The following NAV3 variants were observed in gnomAD, a reference collection of about 807,000 sequenced individuals.
NAV3 encodes the protein neuron navigator 3, also known as pore membrane and/or filament interacting like protein 1.
Under a neutral mutation model 244.7 loss-of-function variants are expected in NAV3, and 87 were observed. The observed-to-expected ratio is 0.36, with a 90% CI of 0.30 to 0.42. The LOEUF (loss-of-function observed/expected upper bound fraction) is 0.42. Among genes scored for constraint, NAV3 ranks in the 20% least tolerant of loss-of-function variants. The pLI is 1.00. For missense variants in NAV3, 2,663 were observed against 2,893.3 expected (o/e 0.92, Z 1.83); for synonymous variants, 1,126 against 1,042.2 (o/e 1.08, Z -1.55).
intron 12 of NAV3, among the ~76,000 whole-genome samples, chr12:78,064,927 A>G (rs749383291): frequency 5.3e-5 from 8 of 152,150 alleles, no homozygotes; most frequent in Non-Finnish European, 1.0e-4. Context: ...AAGTGAAGCC[A>G]AGAGTCTGGA....
rs537795162 is a variant in NAV3, at chr12:77,716,391, T to A, written c.72+144125T>A. The stretch of plus-strand genomic sequence containing the variant: ...TGTTCTCAAGAAACTCACAGAGTTT[T>A]AAGAGAAAAATTATTAAAAATAAAT... On this transcript the variant is annotated intron_variant, in intron 2 of 8. Coordinates refer to the NAV3 transcript ENST00000550042. 3.9e-5 allele frequency among the ~76,000 whole-genome samples: 6 copies of A among 151,930 alleles called. No individual in the cohort carries two copies. The South Asian group carries it at 1.2e-3, about 31-fold the overall frequency.
chr12:77,908,299 T>C (rs143561649), intron 1 of NAV3, among the ~76,000 whole-genome samples: 2 of 152,030 alleles, frequency 1.3e-5, no homozygotes, highest in Non-Finnish European at 2.9e-5. Context: ...CAAAAACATA[T>C]GCCTCAAGAA....
intron 2 of NAV3, among the ~76,000 whole-genome samples, chr12:77,791,604 A>G (rs1330726894): frequency 1.3e-5 from 2 of 152,152 alleles, no homozygotes; most frequent in Non-Finnish European, 2.9e-5. Context: ...AGAGGAACTG[A>G]GGCTCTGCAA....
chr12:78,001,401 G>A (rs1226428920), intron 7 of NAV3, among the ~76,000 whole-genome samples: 1 of 152,136 alleles, frequency 6.6e-6, no homozygotes, highest in Admixed American at 6.5e-5. Flanking sequence ...ACAACTCTGA[G>A]AGGATGAGTT....
At chr12:77,581,623 A>G (rs1195169661) in intron 2 of NAV3, among the ~76,000 whole-genome samples, 1 of 152,186 alleles carries the variant, frequency 6.6e-6, no homozygotes, top group Non-Finnish European at 1.5e-5. Context: ...GCTAGTTTCC[A>G]GTAAACTCGC....
intron 2 of NAV3, among the ~76,000 whole-genome samples, chr12:77,612,752 A>G (rs944920288): frequency 6.6e-6 from 1 of 152,152 alleles, no homozygotes; most frequent in Non-Finnish European, 1.5e-5. Context: ...TTCAGTAAGA[A>G]AAGTGATATG....
At chr12:78,090,520 T>C (rs1402508277) in intron 12 of NAV3, among the ~76,000 whole-genome samples, 1 of 152,084 alleles carries the variant, frequency 6.6e-6, no homozygotes, top group Non-Finnish European at 1.5e-5. Flanking sequence ...ATGTAAAGTA[T>C]ATGATGAGCT....
intron 6 of NAV3, among the ~76,000 whole-genome samples, chr12:77,995,857 C>T (rs1314548272): frequency 1.3e-5 from 2 of 152,080 alleles, no homozygotes; most frequent in African/African-American, 4.8e-5. Context: ...ATTACTCCTT[C>T]TAAGACTTGG....
At chr12:77,609,399 A>G (rs1870811379) in intron 2 of NAV3, among the ~76,000 whole-genome samples, 1 of 152,104 alleles carries the variant, frequency 6.6e-6, no homozygotes, top group Non-Finnish European at 1.5e-5. Flanking sequence ...ATTAAGAGAC[A>G]TCAAATGTGG....
At chr12:77,665,005 C>G (rs1418583043) in intron 2 of NAV3, among the ~76,000 whole-genome samples, 1 of 152,140 alleles carries the variant, frequency 6.6e-6, no homozygotes, top group Non-Finnish European at 1.5e-5. Flanking sequence ...GTAGCTGGGA[C>G]TGCAGGTGCA....
chr12:77,869,068 A>C (rs1040114569), intron 1 of NAV3, among the ~76,000 whole-genome samples: 4 of 150,362 alleles, frequency 2.7e-5, no homozygotes, highest in African/African-American at 9.8e-5. Context: ...CAAACAAACA[A>C]AACTTTAGAA....
chr12:77,903,246 T>C (rs546115028), intron 1 of NAV3, among the ~76,000 whole-genome samples: 125 of 152,056 alleles, frequency 8.2e-4, no homozygotes, highest in Middle Eastern at 6.8e-3. Flanking sequence ...ACAAACTATA[T>C]TACAAGGCTA....
At chr12:78,155,226 A>G (rs1183829607) in intron 22 of NAV3, among the ~76,000 whole-genome samples, 1 of 151,960 alleles carries the variant, frequency 6.6e-6, no homozygotes, top group Admixed American at 6.6e-5. Context: ...CCATGTGCCC[A>G]CGTGTTCTCA....
At chr12:78,173,429 C>T (rs1958087725) in intron 24 of NAV3, among the ~76,000 whole-genome samples, 1 of 151,534 alleles carries the variant, frequency 6.6e-6, no homozygotes. Context: ...ATACTTTGTG[C>T]TTTTCTATTT....
chr12:78,097,360 G>A lies in NAV3; in HGVS notation c.2637-19412G>A, dbSNP rs1274754551. On this transcript the variant is annotated intron_variant, in intron 12 of 39. Coordinates refer to ENST00000397909, the MANE Select transcript of NAV3 (RefSeq NM_001024383.2). ...CTGTTTGTGCTAGAAAATATAAATGGCCATTTTGAAAGCATGCCAGACAGG... is the reference window on the plus strand; with the variant it reads ...CTGTTTGTGCTAGAAAATATAAATGACCATTTTGAAAGCATGCCAGACAGG... 2.0e-5 allele frequency among the ~76,000 whole-genome samples: 3 copies of A among 152,196 alleles called. No homozygotes were observed. The East Asian group carries it at 5.8e-4, about 29-fold the overall frequency.
chr12:77,934,495 G>A (rs1889135698), intron 1 of NAV3, among the ~76,000 whole-genome samples: 2 of 152,114 alleles, frequency 1.3e-5, no homozygotes, highest in African/African-American at 4.8e-5. Flanking sequence ...TTGAAACTCA[G>A]TCCAGAGAGG....
At chr12:78,073,019 T>C (rs1278273939) in intron 12 of NAV3, among the ~76,000 whole-genome samples, 24 of 140,900 alleles carry the variant, frequency 1.7e-4, no homozygotes, top group African/African-American at 5.6e-4. Context: ...ATAAATTAGG[T>C]ATTGATGGGA....
rs1487555396 is a variant in NAV3 at position 77,766,568 on chromosome 12, G to T, written c.73-173751G>T. 2.0e-5 allele frequency among the ~76,000 whole-genome samples: 3 copies of T among 152,118 alleles called. No homozygotes were observed. The East Asian group carries it at 5.8e-4, about 29-fold the overall frequency. ...TTTTAGCATTTAAAATGTATTGATA[G>T]ATTTGTATTGAAGAAAAATAAAAGG... On this transcript the variant is annotated intron_variant, in intron 2 of 8. Transcript: ENST00000550042.
At chr12:77,808,512 A>G (rs1048055132) in intron 2 of NAV3, among the ~76,000 whole-genome samples, 5 of 152,188 alleles carry the variant, frequency 3.3e-5, no homozygotes, top group Non-Finnish European at 7.3e-5. Context: ...AGGATGCAGT[A>G]CAGCAAAGAT....
Sources: allele counts gnomAD v4.1 joint callset (sites outside exome capture counted in the v4.1 genomes callset), GRCh38; gene constraint gnomAD v4.1.1; transcripts MANE v1.5; gene names NCBI Gene and HGNC (gene_info 2026-07-23, HGNC 2026-07-21).